AAK1: variants seen among roughly 807,000 people sequenced by gnomAD.
The protein encoded by AAK1 is AP2 associated kinase 1.
AAK1 carries 37 observed loss-of-function variants against 116.0 expected under a neutral mutation model. The observed-to-expected ratio is 0.32, with a 90% CI of 0.25 to 0.42. The LOEUF is 0.42. Ranked by LOEUF, AAK1 falls within the 10% of genes least tolerant of loss-of-function variation. The pLI is 1.00. For synonymous variants in AAK1, 458 were observed against 439.9 expected, an observed-to-expected ratio of 1.04 and a Z score of -0.51; for missense variants, 919 against 1,170.6, an observed-to-expected ratio of 0.79 and a Z score of 3.14.
At chr2:69,599,028 G>A (rs116257179) in intron 2 of AAK1, 3,762 of 293,920 alleles carry the variant, frequency 0.013, 112 homozygotes, top group African/African-American at 0.07. Flanking sequence ...GAAAATTCAT[G>A]GGGAGGTCCG....
At chr2:69,488,336 T>TA in intron 17 of AAK1, among the ~76,000 whole-genome samples, 1 of 152,034 alleles carries the variant, frequency 6.6e-6, no homozygotes, top group Non-Finnish European at 1.5e-5. Context: ...GTTGAAGTTA[T>TA]AAAAAAAGAT....
intron 3 of AAK1, among the ~76,000 whole-genome samples, chr2:69,549,169 G>A (rs755357726): frequency 1.3e-5 from 2 of 152,098 alleles, no homozygotes; most frequent in Non-Finnish European, 2.9e-5. Context: ...AGGAGTTCGA[G>A]ACCAGCCTGA....
chr2:69,627,030 A>G (rs958234171), intron 2 of AAK1, among the ~76,000 whole-genome samples: 3 of 152,100 alleles, frequency 2.0e-5, no homozygotes, highest in Admixed American at 1.3e-4. Context: ...GCTCACAATT[A>G]TAATCCCAGC....
rs1406625044 is a variant in AAK1, at chr2:69,463,419, T to C, written c.*12450A>G. ...CACCCAGGCTGGACTCACAACTCAC[T>C]GCAGCCTCAAACTCCTGGGCTCAAG... On this transcript the variant is annotated 3_prime_UTR_variant, in exon 22 of 22. Coordinates refer to ENST00000409085, the MANE Select transcript of AAK1 (RefSeq NM_014911.5). The C allele has an allele frequency of 6.6e-6, 1 of 152,224 alleles. No individual in the cohort carries two copies. The highest frequency in any genetic ancestry group is 1.5e-5 in the Non-Finnish European group (1 of 68,040). The allele number at this position is 152,224 out of a possible 1,614,324, so 9.4% of individuals were successfully genotyped here.
At chr2:69,573,508 C>G (rs57613104) in intron 2 of AAK1, among the ~76,000 whole-genome samples, 3,326 of 152,238 alleles carry the variant, frequency 0.022, 119 homozygotes, top group African/African-American at 0.076. Context: ...GGAATGGGAG[C>G]TGAGTAATCC....
intron 2 of AAK1, among the ~76,000 whole-genome samples, chr2:69,599,272 T>TA (rs970833862): frequency 6.6e-5 from 10 of 152,054 alleles, no homozygotes; most frequent in African/African-American, 2.4e-4. Flanking sequence ...ATAAGCTCAT[T>TA]AGTCCATAAT....
At position 69,480,923 on chromosome 2, in the gene AAK1, G is replaced by A; in HGVS notation, c.2506C>T (p.Leu836=). The part of the protein sequence containing the change: ...DVAVESLIPG[L]EPPVPQRLPS... ...AGGCGCTGGGGAACTGGGGGCTCCA[G>A]TCCTGGTATGAGACTCTCAACAGCA... The change falls in exon 19 of 22, where the codon CTG becomes TTG. Residue 836 remains leucine (L), a synonymous_variant. Transcript: ENST00000409085. The A allele has an allele frequency of 6.2e-7, 1 of 1,607,574 alleles. No individual in the cohort carries two copies. The highest frequency in any genetic ancestry group is 8.5e-7 in the Non-Finnish European group (1 of 1,177,554).
intron 5 of AAK1, among the ~76,000 whole-genome samples, chr2:69,541,584 AT>A (rs1240176517): frequency 7.2e-5 from 11 of 152,176 alleles, no homozygotes; most frequent in East Asian, 1.9e-4. Flanking sequence ...TTATGTCTCA[AT>A]TTTTTTTAAA....
At position 69,460,199 on chromosome 2, in the gene AAK1, A is replaced by C. The variant is rs1462024795; in HGVS notation, c.*15670T>G. 1.3e-5 allele frequency: 2 copies of C among 152,578 alleles called. No individual in the cohort carries two copies. The highest frequency in any genetic ancestry group is 2.9e-5 in the Non-Finnish European group (2 of 68,032). The allele number at this position is 152,578 out of a possible 1,614,324, so 9.5% of individuals were successfully genotyped here. On this transcript the variant is annotated 3_prime_UTR_variant, in exon 22 of 22. Coordinates refer to ENST00000409085, the MANE Select transcript of AAK1 (RefSeq NM_014911.5). ...CACGTGTTCTCCAATTTCAGTTCCA[A>C]ACACACAACACAGAATCACACTTTT... is the stretch of plus-strand genomic sequence containing the variant.
At chr2:69,618,632 T>G (rs1309028745) in intron 2 of AAK1, among the ~76,000 whole-genome samples, 2 of 152,098 alleles carry the variant, frequency 1.3e-5, no homozygotes, top group Non-Finnish European at 2.9e-5. Context: ...CTGCCTTGCC[T>G]TTGTACTTCC....
At chr2:69,612,497 A>T (rs890728406) in intron 2 of AAK1, among the ~76,000 whole-genome samples, 4 of 152,254 alleles carry the variant, frequency 2.6e-5, no homozygotes, top group Admixed American at 1.3e-4. Context: ...AGATGCTATG[A>T]GAATGGCACA....
chr2:69,514,606 C>T lies in AAK1; in HGVS notation c.1641G>A (p.Leu547=), dbSNP rs1676510671. The change falls in exon 13 of 22, where the codon CTG becomes CTA. Residue 547 remains leucine, a synonymous_variant. Transcript: ENST00000409085. ...GCTGTTGTTGATGCAGGGCTGTGGC[C>T]AGCTGTTGCTGTTGCTGTTGTTGTT... ...QQQQQQQQQQ[L]ATALHQQQLM... 6.3e-7 allele frequency: 1 copy of T among 1,593,146 alleles called. No homozygotes were observed. Among genetic ancestry groups the T allele is most frequent in the African/African-American group, 1.3e-5 (1 of 74,330 alleles).
At chr2:69,536,628 G>C (rs777475342) in intron 5 of AAK1, among the ~76,000 whole-genome samples, 6 of 152,142 alleles carry the variant, frequency 3.9e-5, no homozygotes, top group Non-Finnish European at 5.9e-5. Flanking sequence ...CATTCTTTGA[G>C]AGTGCGATGC....
At chr2:69,509,947 G>A (rs557435989) in intron 13 of AAK1, among the ~76,000 whole-genome samples, 2 of 152,330 alleles carry the variant, frequency 1.3e-5, no homozygotes, top group East Asian at 3.9e-4. Flanking sequence ...TTTCTGCTAA[G>A]AGATCCCTCA....
At chr2:69,638,780 A>G (rs1675563970) in intron 2 of AAK1, among the ~76,000 whole-genome samples, 1 of 152,146 alleles carries the variant, frequency 6.6e-6, no homozygotes, top group South Asian at 2.1e-4. Flanking sequence ...GTCACCTATG[A>G]ACTCTCACCC....
intron 2 of AAK1, among the ~76,000 whole-genome samples, chr2:69,603,353 G>A (rs1004713407): frequency 6.6e-6 from 1 of 152,102 alleles, no homozygotes; most frequent in African/African-American, 2.4e-5. Context: ...GGTAGATCAC[G>A]AGCCAGCACG....
At chr2:69,478,926 G>T in intron 20 of AAK1, 25 bp downstream of exon 20, 1 of 1,545,472 alleles carries the variant, frequency 6.5e-7, no homozygotes, top group Non-Finnish European at 8.9e-7. Flanking sequence ...GACACATGTG[G>T]GCCTGAGAAG....
At chr2:69,608,787 A>G (rs1227936243) in intron 2 of AAK1, among the ~76,000 whole-genome samples, 2 of 152,258 alleles carry the variant, frequency 1.3e-5, no homozygotes, top group East Asian at 3.8e-4. Flanking sequence ...TAAATTCAGC[A>G]AAGTTGAAGG....
Position 69,530,167 on chromosome 2 carries a change from A to G in AAK1, c.739-27T>C. ...TAAAAAATAAAGATAGCAGATTGCT[A>G]CTAGTGGCTTATTTATCATGACTCT... On this transcript the variant is annotated intron_variant, in intron 7 of 21. Transcript: ENST00000409085. 2.5e-6 allele frequency: 4 copies of G among 1,591,340 alleles called. 1 individual carries two copies. The highest frequency in any genetic ancestry group is 2.3e-5 in the South Asian group (2 of 86,336).
Sources: allele counts gnomAD v4.1 joint callset (sites outside exome capture counted in the v4.1 genomes callset), GRCh38; gene constraint gnomAD v4.1.1; transcripts MANE v1.5; gene names NCBI Gene and HGNC (gene_info 2026-07-23, HGNC 2026-07-21).